ANO10: variants seen among roughly 807,000 people sequenced by gnomAD.
The protein encoded by ANO10 is anoctamin-10.
In ANO10, 77 loss-of-function variants were observed where a neutral mutation model predicts 74.7. The ratio of observed to expected loss-of-function variants is 1.03; its 90% CI spans 0.86 to 1.25. The LOEUF is 1.25. ANO10 is among the 50% of genes most tolerant of loss of function. The pLI, the probability that ANO10 is intolerant of heterozygous loss-of-function variation, is 0.00. For missense variants in ANO10, 721 were observed against 778.1 expected, an observed-to-expected ratio of 0.93 and a Z score of 0.87; for synonymous variants, 279 against 284.9, an observed-to-expected ratio of 0.98 and a Z score of 0.21.
intron 12 of ANO10, among the ~76,000 whole-genome samples, chr3:43,390,254 C>T (rs2092241207): frequency 6.6e-6 from 1 of 152,200 alleles, no homozygotes; most frequent in Non-Finnish European, 1.5e-5. Flanking sequence ...GGTCTCCTCT[C>T]CCACTTCTCT....
At chr3:43,437,453 C>T (rs1046576688) in intron 11 of ANO10, among the ~76,000 whole-genome samples, 5 of 152,278 alleles carry the variant, frequency 3.3e-5, no homozygotes, top group African/African-American at 1.2e-4. Flanking sequence ...AGAATGTATA[C>T]ATCTAACTTT....
chr3:43,457,289 C>T (rs2075171845), intron 11 of ANO10, among the ~76,000 whole-genome samples: 1 of 152,184 alleles, frequency 6.6e-6, no homozygotes, highest in Non-Finnish European at 1.5e-5. Flanking sequence ...TTGTATTAGT[C>T]CATTTTCACA....
At chr3:43,424,440 T>G (rs188622494) in intron 12 of ANO10, 1 of 152,314 alleles carries the variant, frequency 6.6e-6, no homozygotes, top group African/African-American at 2.4e-5. Context: ...ACTAACAAAT[T>G]AGCCACAAGA....
intron 11 of ANO10, among the ~76,000 whole-genome samples, chr3:43,453,416 T>G (rs2074972833): frequency 6.6e-6 from 1 of 152,138 alleles, no homozygotes; most frequent in Admixed American, 6.6e-5. Context: ...CCTGACCTCA[T>G]GATATGCCCA....
At chr3:43,400,137 CTT>C (rs936301340) in intron 12 of ANO10, among the ~76,000 whole-genome samples, 14 of 152,098 alleles carry the variant, frequency 9.2e-5, no homozygotes, top group Admixed American at 2.0e-4. Context: ...TGATGGCACT[CTT>C]TTATTTTCCA....
rs5848663 is a variant in ANO10, at chr3:43,432,944, C to CTTTTTTTTTTTTTTTTTTTT, written c.1798-237_1798-218dup. On this transcript the variant is annotated intron_variant, in intron 11 of 12. Transcript: ENST00000292246. ...CAGTAATTACTGACTTTGCTTAATT[C>CTTTTTTTTTTTTTTTTTTTT]TTTTTTTTTTTTTTTTTTTTTTTTT... 1.9e-3 allele frequency among the ~76,000 whole-genome samples: 104 copies of CTTTTTTTTTTTTTTTTTTTT among 55,278 alleles called. 26 individuals are homozygous for CTTTTTTTTTTTTTTTTTTTT. The highest frequency in any genetic ancestry group is 2.6e-3 in the Non-Finnish European group (79 of 30,050). The allele number at this position is 55,278 out of a possible 152,430, so 36.3% of individuals were successfully genotyped here. A position where few individuals can be genotyped will look rare whatever the true frequency, so the allele number is the denominator to read the frequency against.
chr3:43,504,362 G>A (rs576432304), intron 11 of ANO10, among the ~76,000 whole-genome samples: 77 of 145,806 alleles, frequency 5.3e-4, no homozygotes, highest in African/African-American at 1.8e-3. Context: ...AAAGCGTTGG[G>A]GATCTAAAGT....
intron 1 of ANO10, among the ~76,000 whole-genome samples, chr3:43,665,008 A>G (rs1012262222): frequency 6.6e-6 from 1 of 152,256 alleles, no homozygotes; most frequent in African/African-American, 2.4e-5. Flanking sequence ...CATGTGAACC[A>G]GCAATCCCAT....
At chr3:43,687,964 C>CA (rs2084296002) in intron 1 of ANO10, among the ~76,000 whole-genome samples, 1 of 152,102 alleles carries the variant, frequency 6.6e-6, no homozygotes, top group Non-Finnish European at 1.5e-5. Context: ...TGGCAACACC[C>CA]AGGGGATAGG....
At chr3:43,428,773 A>C (rs1476430186) in intron 12 of ANO10, among the ~76,000 whole-genome samples, 4 of 124,172 alleles carry the variant, frequency 3.2e-5, no homozygotes, top group African/African-American at 1.2e-4. Flanking sequence ...GAAATACCCC[A>C]AAATCCTGAA....
intron 11 of ANO10, among the ~76,000 whole-genome samples, chr3:43,528,758 T>G (rs1385333510): frequency 6.6e-6 from 1 of 151,972 alleles, no homozygotes; most frequent in Non-Finnish European, 1.5e-5. Flanking sequence ...AAACTGTAAC[T>G]TACCAGCCTG....
chr3:43,485,910 CA>C, intron 11 of ANO10: 3 of 241,986 alleles, frequency 1.2e-5, no homozygotes, highest in East Asian at 1.5e-4. Flanking sequence ...CCGCCACCCG[CA>C]AAAGGTACAG....
intron 4 of ANO10, among the ~76,000 whole-genome samples, chr3:43,583,372 T>C (rs565987859): frequency 6.6e-6 from 1 of 152,312 alleles, no homozygotes; most frequent in East Asian, 1.9e-4. Flanking sequence ...GCCAGATTCC[T>C]TCCTTCAAGA....
chr3:43,653,749 G>A (rs1158479352), intron 1 of ANO10, among the ~76,000 whole-genome samples: 6 of 152,100 alleles, frequency 3.9e-5, no homozygotes, highest in African/African-American at 9.7e-5. Flanking sequence ...ATACTAGAGT[G>A]CCTACCCAGC....
intron 1 of ANO10, among the ~76,000 whole-genome samples, chr3:43,660,027 A>G (rs534330573): frequency 6.6e-6 from 1 of 152,324 alleles, no homozygotes; most frequent in Admixed American, 6.5e-5. Flanking sequence ...AGGAAAACTA[A>G]CAAACAGAAA....
intron 11 of ANO10, among the ~76,000 whole-genome samples, chr3:43,440,793 A>T (rs927102124): frequency 1.3e-5 from 2 of 152,116 alleles, no homozygotes; most frequent in South Asian, 4.1e-4. Flanking sequence ...TACAGATCAT[A>T]CCTAAGGCCA....
intron 1 of ANO10, among the ~76,000 whole-genome samples, chr3:43,676,715 TA>T (rs1235032398): frequency 2.0e-5 from 3 of 152,146 alleles, no homozygotes; most frequent in Non-Finnish European, 2.9e-5. Flanking sequence ...GGGAAGTTGG[TA>T]AAGGGTACAT....
chr3:43,461,105 A>G (rs1043301915), intron 11 of ANO10, among the ~76,000 whole-genome samples: 7 of 152,182 alleles, frequency 4.6e-5, no homozygotes, highest in Admixed American at 3.9e-4. Flanking sequence ...TAAAAAGATC[A>G]GTAAACTAAA....
chr3:43,629,576 A>G (rs949163039), intron 1 of ANO10, among the ~76,000 whole-genome samples: 9 of 152,232 alleles, frequency 5.9e-5, no homozygotes, highest in Admixed American at 3.9e-4. Context: ...GGCTGTTGCA[A>G]TCTTTGAGAC....
Sources: allele counts gnomAD v4.1 joint callset (sites outside exome capture counted in the v4.1 genomes callset), GRCh38; gene constraint gnomAD v4.1.1; transcripts MANE v1.5; gene names NCBI Gene and HGNC (gene_info 2026-07-23, HGNC 2026-07-21).